The following TRMU variants were observed in gnomAD, a reference collection of about 807,000 sequenced individuals.
TRMU encodes the protein tRNA mitochondrial 2-thiouridylase.
Under a neutral mutation model 46.9 loss-of-function variants are expected in TRMU, and 49 were observed. The ratio of observed to expected loss-of-function variants is 1.05; its 90% CI spans 0.83 to 1.33. TRMU has a LOEUF of 1.33. Among genes scored for constraint, TRMU ranks in the 40% most tolerant of loss-of-function variants. The probability of loss-of-function intolerance (pLI) is 0.00; values close to 1 mark genes in which losing one functional copy is unlikely to be tolerated. For synonymous variants in TRMU, 241 were observed against 200.9 expected (o/e 1.20, Z -1.69); for missense variants, 572 against 532.4 (o/e 1.07, Z -0.73).
At position 46,350,408 on chromosome 22, in the gene TRMU, T is replaced by C. The variant is rs781732015; in HGVS notation, c.596T>C (p.Phe199Ser). 5.6e-6 allele frequency: 9 copies of C among 1,614,040 alleles called. No individual in the cohort carries two copies. The East Asian group carries it at 1.8e-4, about 32-fold the overall frequency. The change falls in exon 5 of 11, where the codon TTT (phenylalanine) becomes TCT (serine). Residue 199 changes from phenylalanine to serine, a missense_variant. Coordinates refer to ENST00000645190, the MANE Select transcript of TRMU (RefSeq NM_018006.5). This position sits in a 1 kb window ranked among gnomAD's most constrained non-coding sequence, Gnocchi z 4.6. ...CCTCTGGGGGGATTAACGAAAGAGT[T>C]TGTAAAGAAAATCGCTGCTGAGAAT... is the stretch of plus-strand genomic sequence containing the variant. ...IFPLGGLTKE[F>S]VKKIAAENRL...
Position 46,346,552 on chromosome 22 carries a change from C to A in TRMU, c.478+8C>A. ...GGTTTGAAGTTAGAAATGGTAAGTTCATGTGCCCAGGTCAGAGCCAAATTC... is the reference window on the plus strand; with the variant it reads ...GGTTTGAAGTTAGAAATGGTAAGTTAATGTGCCCAGGTCAGAGCCAAATTC... On this transcript the variant is annotated splice_region_variant and intron_variant, in intron 4 of 10. Coordinates refer to ENST00000645190, the MANE Select transcript of TRMU (RefSeq NM_018006.5). The A allele has an allele frequency of 1.2e-6, 2 of 1,608,746 alleles. No homozygotes were observed. The highest frequency in any genetic ancestry group is 1.1e-5 in the South Asian group (1 of 90,520).
chr22:46,356,821 G>A (rs1259687671), intron 10 of TRMU, 21 bp from the exon 11 acceptor site: 1 of 1,612,080 alleles, frequency 6.2e-7, no homozygotes, highest in African/African-American at 1.3e-5. Flanking sequence ...CACCCCTGAT[G>A]CCAGGGTCTC....
intron 1 of TRMU, 66 bp downstream of exon 1, chr22:46,335,912 T>C (rs2077961682): frequency 6.6e-7 from 1 of 1,522,204 alleles, no homozygotes; most frequent in Admixed American, 2.0e-5. Context: ...TCCCCGTCCG[T>C]CGTGGCGTTG....
chr22:46,355,379 A>G (rs1448905965), intron 8 of TRMU, 65 bp from the exon 9 acceptor site: 1 of 1,590,764 alleles, frequency 6.3e-7, no homozygotes, highest in Non-Finnish European at 8.5e-7. Context: ...CCCAGGGACC[A>G]CACTGAGGCC....
In TRMU at chr22:46,346,507, C is replaced by A. The variant is rs760758182; in HGVS notation, c.441C>A (p.Pro147=). Residue 147 remains proline, a synonymous_variant, in exon 4 of 11, where the codon CCC becomes CCA. Coordinates refer to ENST00000645190, the MANE Select transcript of TRMU (RefSeq NM_018006.5). The stretch of plus-strand genomic sequence containing the variant: ...TTGAGCAGAAGCACGTTAAGAAGCC[C>A]GAAGGGCTTTTCAGAAATCGGTTTG... ...EVFEQKHVKK[P]EGLFRNRFEV... 1.9e-6 allele frequency: 3 copies of A among 1,612,908 alleles called. No individual in the cohort carries two copies. In the African/African-American group the frequency reaches 4.0e-5, roughly 22 times the overall value.
Position 46,350,449 on chromosome 22 carries a change from C to T in TRMU, c.637C>T (p.Leu213Phe). ...TGCTGAGAATAGACTTCATCATGTGCTTCAGAAGAAAGAGGTACGAGTGAG... is the reference window on the plus strand; with the variant it reads ...TGCTGAGAATAGACTTCATCATGTGTTTCAGAAGAAAGAGGTACGAGTGAG... Reference protein sequence around the residue: ...IAAENRLHHVLQKKESMGMCF... With the variant: ...IAAENRLHHVFQKKESMGMCF... Residue 213 changes from leucine (L) to phenylalanine (F), a missense_variant, in exon 5 of 11, where the codon CTT (leucine) becomes TTT (phenylalanine). Physicochemically the swap from Leu to Phe is conservative, Grantham distance 22. Coordinates refer to ENST00000645190, the MANE Select transcript of TRMU (RefSeq NM_018006.5). The surrounding 1 kb of genome is among the most constrained non-coding windows in gnomAD (Gnocchi z 4.6). The T allele has an allele frequency of 6.2e-7, 1 of 1,613,662 alleles. No homozygotes were observed.
chr22:46,355,786 G>A, intron 9 of TRMU, 198 bp downstream of exon 9: 1 of 1,065,006 alleles, frequency 9.4e-7, no homozygotes, highest in African/African-American at 1.5e-5. Context: ...GCAGATGCAG[G>A]CAGGCCCCGG....
chr22:46,345,763 CT>C (rs561435289), intron 3 of TRMU, among the ~76,000 whole-genome samples: 10,639 of 139,152 alleles, frequency 0.076, 433 homozygotes, highest in Non-Finnish European at 0.092. Flanking sequence ...CATTTTGGTT[CT>C]TTTTTTTTTT....
chr22:46,352,086 C>A (rs372174768), intron 5 of TRMU, 35 bp from the exon 6 acceptor site: 6 of 1,611,528 alleles, frequency 3.7e-6, no homozygotes. Flanking sequence ...ACCGCCACTT[C>A]TGCTCCTCTC....
intron 3 of TRMU, 89 bp from the exon 4 acceptor site, chr22:46,346,333 A>G (rs944163611): frequency 7.2e-6 from 11 of 1,525,902 alleles, no homozygotes; most frequent in Admixed American, 5.7e-5. Flanking sequence ...CTTGGGGTCT[A>G]TACTCTTCTT....
intron 7 of TRMU, chr22:46,352,548 G>A (rs1046608837): frequency 1.6e-6 from 1 of 621,900 alleles, no homozygotes; most frequent in South Asian, 1.8e-5. Context: ...TGAGATGCTG[G>A]AGTTCATGAA....
chr22:46,335,868 C>T (rs768561861), intron 1 of TRMU, 22 bp downstream of exon 1: 15 of 1,517,202 alleles, frequency 9.9e-6, no homozygotes, highest in Admixed American at 4.0e-5. Context: ...GAGGCTCCCG[C>T]CCCCCGCCGA....
chr22:46,350,500 T>C lies in TRMU; in HGVS notation c.651+37T>C, dbSNP rs753295239. ...CAGTTGCCTTTGATTAGTGCCTGTT[T>C]CCCTTTCCCGACTGCATGGCACGGA... On this transcript the variant is annotated intron_variant, in intron 5 of 10. Transcript: ENST00000645190. This position sits in a 1 kb window ranked among gnomAD's most constrained non-coding sequence, Gnocchi z 4.6. 5.0e-6 allele frequency: 8 copies of C among 1,611,932 alleles called. No individual in the cohort carries two copies. The African/African-American group carries it at 9.3e-5, about 19-fold the overall frequency.
In TRMU at chr22:46,349,980, G is replaced by GTT. The variant is rs58315215; in HGVS notation, c.479-297_479-296dup. 3.7e-4 allele frequency among the ~76,000 whole-genome samples: 49 copies of GTT among 130,916 alleles called. No individual in the cohort carries two copies. The highest frequency in any genetic ancestry group is 5.6e-4 in the African/African-American group (21 of 37,268). The allele number at this position is 130,916 out of a possible 152,430, so 85.9% of individuals were successfully genotyped here. ...AGATTTGGCTGAATTTATTTTAGGT[G>GTT]TTTTTTTTTTTTTTTCTTATCACTT... is the stretch of plus-strand genomic sequence containing the variant. On this transcript the variant is annotated intron_variant, in intron 4 of 10. Transcript: ENST00000645190. This position sits in a 1 kb window ranked among gnomAD's most constrained non-coding sequence, Gnocchi z 4.6.
At chr22:46,354,058 T>C (rs1463193406) in intron 8 of TRMU, 191 bp downstream of exon 8, 3 of 580,332 alleles carry the variant, frequency 5.2e-6, no homozygotes, top group Non-Finnish European at 6.3e-6. Flanking sequence ...AAGGTATTCA[T>C]TAGGCTGAGT....
rs1459541230 is a variant in TRMU, at chr22:46,336,105, C to T, written c.82+259C>T. The T allele has an allele frequency of 2.9e-6, 4 of 1,357,218 alleles. No individual in the cohort carries two copies. The highest frequency in any genetic ancestry group is 3.8e-6 in the Non-Finnish European group (4 of 1,056,944). 84.1% of individuals were successfully genotyped at this position (1,357,218 alleles called of 1,614,324 possible). A position where few individuals can be genotyped will look rare whatever the true frequency, so the allele number is the denominator to read the frequency against. On this transcript the variant is annotated intron_variant, in intron 1 of 10. Transcript: ENST00000645190. This position sits in a 1 kb window ranked among gnomAD's most constrained non-coding sequence, Gnocchi z 4.1. ...CTCTCCACCCACGCGCGCCCACCCA[C>T]AGTGAGAAGCCGGCGGGCCGGGGTG... is the stretch of plus-strand genomic sequence containing the variant.
intron 2 of TRMU, among the ~76,000 whole-genome samples, chr22:46,341,537 T>C (rs562397301): frequency 4.6e-5 from 7 of 152,230 alleles, no homozygotes; most frequent in East Asian, 1.9e-4. Context: ...ATCTGTGATA[T>C]GTCTGCAAAA....
intron 8 of TRMU, 190 bp from the exon 9 acceptor site, chr22:46,355,254 G>A: frequency 2.4e-6 from 2 of 834,604 alleles, no homozygotes; most frequent in Non-Finnish European, 3.8e-6. Flanking sequence ...CTCCTCATCT[G>A]TAAAATGGGG....
At position 46,346,487 on chromosome 22, in the gene TRMU, C is replaced by G. The variant is rs1167901230; in HGVS notation, c.421C>G (p.Gln141Glu). ...TSLEDEEVFE[Q>E]KHVKKPEGLF... Reference sequence around the variant, plus strand: ...CCTGGAAGATGAAGAAGTCTTTGAGCAGAAGCACGTTAAGAAGCCCGAAGG... The same window carrying G: ...CCTGGAAGATGAAGAAGTCTTTGAGGAGAAGCACGTTAAGAAGCCCGAAGG... Residue 141 changes from glutamine to glutamate, a missense_variant, in exon 4 of 11, where the codon CAG (glutamine) becomes GAG (glutamate). Gln to Glu is a conservative substitution (Grantham distance 29). Transcript: ENST00000645190. The G allele has an allele frequency of 6.2e-7, 1 of 1,613,550 alleles. No individual in the cohort carries two copies. The highest frequency in any genetic ancestry group is 1.7e-5 in the Admixed American group (1 of 60,006).
Sources: allele counts gnomAD v4.1 joint callset (sites outside exome capture counted in the v4.1 genomes callset), GRCh38; gene constraint gnomAD v4.1.1; non-coding constraint Gnocchi (gnomAD v3.1); transcripts MANE v1.5; gene names NCBI Gene and HGNC (gene_info 2026-07-23, HGNC 2026-07-21).